The following BDP1 variants were observed in gnomAD, a reference collection of about 807,000 sequenced individuals.
BDP1 encodes BDP1 general transcription factor IIIB subunit.
Under a neutral mutation model 266.6 loss-of-function variants are expected in BDP1, and 169 were observed. The observed-to-expected ratio is 0.63, with a 90% CI of 0.56 to 0.72. The LOEUF (loss-of-function observed/expected upper bound fraction) is 0.72, where lower values mean the gene tolerates loss of function less well. BDP1 is among the 30% of genes least tolerant of loss of function. BDP1 has a pLI of 0.00. For missense variants in BDP1, 3,015 were observed against 3,053.8 expected, an observed-to-expected ratio of 0.99 and a Z score of 0.30; for synonymous variants, 1,090 against 1,022.4, an observed-to-expected ratio of 1.07 and a Z score of -1.26.
intron 16 of BDP1, among the ~76,000 whole-genome samples, chr5:71,508,366 T>A (rs558243813): frequency 1.4e-4 from 21 of 152,306 alleles, no homozygotes; most frequent in Admixed American, 1.2e-3. Flanking sequence ...TGCAGTGGCA[T>A]GATCATGGCT....
chr5:71,483,742 T>C, intron 7 of BDP1, 100 bp from the exon 8 acceptor site: 1 of 825,824 alleles, frequency 1.2e-6, no homozygotes. Context: ...TAGAGAGCAG[T>C]ATGTTATTCC....
intron 3 of BDP1, among the ~76,000 whole-genome samples, chr5:71,462,930 T>G (rs942474577): frequency 2.6e-5 from 4 of 152,040 alleles, no homozygotes; most frequent in Non-Finnish European, 4.4e-5. Context: ...CCCAGGAGTT[T>G]GAGACCAGCC....
At chr5:71,500,855 T>C (rs1764189597) in intron 13 of BDP1, among the ~76,000 whole-genome samples, 1 of 151,896 alleles carries the variant, frequency 6.6e-6, no homozygotes. Context: ...AGCCCAGCCC[T>C]TTGGGAGGCT....
At chr5:71,558,311 G>A (rs1743370636) in intron 36 of BDP1, among the ~76,000 whole-genome samples, 1 of 152,112 alleles carries the variant, frequency 6.6e-6, no homozygotes, top group Non-Finnish European at 1.5e-5. Context: ...CGAGGTGAGT[G>A]GATCACCTGA....
At chr5:71,551,754 G>A (rs1742781020) in intron 34 of BDP1, among the ~76,000 whole-genome samples, 1 of 150,700 alleles carries the variant, frequency 6.6e-6, no homozygotes, top group Middle Eastern at 3.5e-3. Context: ...CTCCCGGACG[G>A]GGCGGCTGGC....
At chr5:71,463,195 T>G (rs1761685000) in intron 3 of BDP1, among the ~76,000 whole-genome samples, 1 of 152,238 alleles carries the variant, frequency 6.6e-6, no homozygotes, top group Admixed American at 6.5e-5. Context: ...CCAAGTTTTA[T>G]GCCCTGCCTT....
intron 19 of BDP1, among the ~76,000 whole-genome samples, chr5:71,514,316 A>T (rs1202297538): frequency 1.3e-5 from 2 of 152,200 alleles, no homozygotes; most frequent in Non-Finnish European, 2.9e-5. Context: ...ATATTCATAA[A>T]AGATAAGTTA....
rs767647149 is a variant in BDP1, at chr5:71,502,792, G to C, written c.2241+1G>C. ...AAATGAATCCTGTGCTGATAGAGAT[G>C]TAAGTACTCTGATTCCTCCTCACAT... On this transcript the variant is annotated splice_donor_variant, in intron 15 of 38. Coordinates refer to ENST00000358731, the MANE Select transcript of BDP1 (RefSeq NM_018429.3). LOFTEE classifies it high-confidence loss of function. The C allele has an allele frequency of 6.2e-7, 1 of 1,608,418 alleles. No homozygotes were observed. Among genetic ancestry groups the C allele is most frequent in the Non-Finnish European group, 8.5e-7 (1 of 1,177,746 alleles).
rs372252102 is a variant in BDP1 at position 71,497,083 on chromosome 5, T to C, written c.1800-187T>C. ...ATATGTTAGTACCACACTGTTTTAA[T>C]TACTGATGATGAATGGTGTATTTTT... is the stretch of plus-strand genomic sequence containing the variant. On this transcript the variant is annotated intron_variant, in intron 12 of 38. Coordinates refer to ENST00000358731, the MANE Select transcript of BDP1 (RefSeq NM_018429.3). 1.6e-4 allele frequency among the ~76,000 whole-genome samples: 25 copies of C among 152,338 alleles called. No individual in the cohort carries two copies. In the South Asian group the frequency reaches 4.8e-3, roughly 29 times the overall value.
At position 71,567,278 on chromosome 5, in the gene BDP1, T is replaced by C. The variant is rs1338696722; in HGVS notation, c.*2393T>C. On this transcript the variant is annotated 3_prime_UTR_variant, in exon 39 of 39. Transcript: ENST00000358731. ...TTTAACTTTAACATCTGTTTCTTTT[T>C]AATCTATAATGAGCTAGTTTTATGG... is the stretch of plus-strand genomic sequence containing the variant. The C allele has an allele frequency of 6.6e-6, 1 of 152,240 alleles. No homozygotes were observed. Among genetic ancestry groups the C allele is most frequent in the African/African-American group, 2.4e-5 (1 of 41,476 alleles). 9.4% of individuals were successfully genotyped at this position (152,240 alleles called of 1,614,324 possible).
intron 36 of BDP1, among the ~76,000 whole-genome samples, chr5:71,557,612 C>T (rs1743320163): frequency 6.6e-6 from 1 of 151,974 alleles, no homozygotes; most frequent in African/African-American, 2.4e-5. Flanking sequence ...TCTTGATCTC[C>T]TGACCTCGTG....
At position 71,517,239 on chromosome 5, in the gene BDP1, A is replaced by T. The variant is rs1765269536; in HGVS notation, c.4861-83A>T. 7 of 1,179,468 alleles carry T rather than the reference A, an allele frequency of 5.9e-6. No homozygotes were observed. In the South Asian group the frequency reaches 1.1e-4, roughly 18 times the overall value. 73.1% of individuals were successfully genotyped at this position (1,179,468 alleles called of 1,614,324 possible). A position where few individuals can be genotyped will look rare whatever the true frequency, so the allele number is the denominator to read the frequency against. On this transcript the variant is annotated intron_variant, in intron 21 of 38. Coordinates refer to ENST00000358731, the MANE Select transcript of BDP1 (RefSeq NM_018429.3). ...TAAAAAAGAAAAGGGATTTTAAAAA[A>T]CTAAATATCTTAATGGTGGAAATAT...
downstream of BDP1, among the ~76,000 whole-genome samples, chr5:71,569,346 A>G (rs572406957): frequency 1.3e-4 from 20 of 152,232 alleles, no homozygotes; most frequent in African/African-American, 4.8e-4. Flanking sequence ...CAGCTACTTG[A>G]GAGGCTGAGG....
chr5:71,468,493 T>C (rs952342610), intron 6 of BDP1, among the ~76,000 whole-genome samples: 1 of 151,810 alleles, frequency 6.6e-6, no homozygotes, highest in African/African-American at 2.4e-5. Flanking sequence ...ACTGTTCTGC[T>C]GAAAGAAATA....
Position 71,545,020 on chromosome 5 carries a change from A to C in BDP1, c.6564-19A>C, listed in dbSNP as rs748845621. 2.5e-6 allele frequency: 4 copies of C among 1,611,458 alleles called. No homozygotes were observed. The highest frequency in any genetic ancestry group is 3.4e-6 in the Non-Finnish European group (4 of 1,179,188). On this transcript the variant is annotated intron_variant, in intron 31 of 38. Transcript: ENST00000358731. ...ATTTGCCTGATTTCAAATGACATGC[A>C]TGCTAAACTCTCTTTCAGAAACGAA... is the stretch of plus-strand genomic sequence containing the variant.
At chr5:71,573,674 G>A in the BDP1 span, among the ~76,000 whole-genome samples, 1 of 152,224 alleles carries the variant, frequency 6.6e-6, no homozygotes, top group Non-Finnish European at 1.5e-5. Flanking sequence ...ACTGTGTGCA[G>A]ACCAGGCTAG....
intron 22 of BDP1, among the ~76,000 whole-genome samples, chr5:71,519,481 C>T (rs1262163980): frequency 6.6e-6 from 1 of 152,146 alleles, no homozygotes; most frequent in Non-Finnish European, 1.5e-5. Flanking sequence ...CCTTCCTAGC[C>T]TCTGGTGAGC....
Position 71,504,639 on chromosome 5 carries a change from G to C in BDP1, c.2260G>C (p.Asp754His). The change falls in exon 16 of 39, where the codon GAT becomes CAT. Residue 754 changes from aspartate (D) to histidine (H), a missense_variant. Coordinates refer to ENST00000358731, the MANE Select transcript of BDP1 (RefSeq NM_018429.3). ...TTTTAAGACTCCTCAACACATGGAA[G>C]ATCAATCGCGTAAAGATTTTGAAGA... Reference protein sequence around the residue: ...ADRDTPQHMEDQSRKDFEEED... With the variant: ...ADRDTPQHMEHQSRKDFEEED... The C allele has an allele frequency of 6.2e-7, 1 of 1,613,316 alleles. No homozygotes were observed. Among genetic ancestry groups the C allele is most frequent in the South Asian group, 1.1e-5 (1 of 90,862 alleles).
At chr5:71,577,479 A>T in the BDP1 span, among the ~76,000 whole-genome samples, 15 of 152,210 alleles carry the variant, frequency 9.9e-5, no homozygotes, top group Non-Finnish European at 2.1e-4. Context: ...TTAGGGGAAC[A>T]AGTACAAAGC....
Sources: gnomAD v4.1 joint callset for allele counts (sites outside exome capture counted in the v4.1 genomes callset) on GRCh38, gnomAD v4.1.1 for gene constraint, MANE v1.5 for transcripts, NCBI Gene and HGNC (gene_info 2026-07-23, HGNC 2026-07-21) for gene names.